Variants in CC2D2A observed in about 807,000 individuals in gnomAD.
CC2D2A encodes coiled-coil and C2 domain containing 2A.
A neutral mutation model predicts 212.9 loss-of-function variants in CC2D2A; 155 were observed. The observed-to-expected ratio is 0.73, with a 90% CI of 0.64 to 0.83. The LOEUF (loss-of-function observed/expected upper bound fraction) is 0.83. Ranked by LOEUF, CC2D2A falls within the 40% of genes least tolerant of loss-of-function variation. The pLI is 0.00. For missense variants in CC2D2A, 1,856 were observed against 1,956.2 expected (o/e 0.95, Z 0.97); for synonymous variants, 667 against 686.5 (o/e 0.97, Z 0.44).
At chr4:15,497,946 A>G (rs917054363) in intron 4 of CC2D2A, among the ~76,000 whole-genome samples, 6 of 152,244 alleles carry the variant, frequency 3.9e-5, no homozygotes, top group Non-Finnish European at 8.8e-5. Flanking sequence ...TGGACATAAC[A>G]TGAGAGGAAC....
intron 18 of CC2D2A, among the ~76,000 whole-genome samples, chr4:15,552,480 G>A (rs1392827185): frequency 6.6e-6 from 1 of 152,012 alleles, no homozygotes; most frequent in Non-Finnish European, 1.5e-5. Context: ...ACTCTCCAAA[G>A]CACAAATTTT....
rs2109029936 is a variant in CC2D2A at position 15,533,339 on chromosome 4, C to A, written c.1607+6C>A. 2 of 1,523,846 alleles carry A rather than the reference C, an allele frequency of 1.3e-6. No individual in the cohort carries two copies. Among genetic ancestry groups the A allele is most frequent in the Non-Finnish European group, 1.8e-6 (2 of 1,136,878 alleles). The allele number at this position is 1,523,846 out of a possible 1,614,324, so 94.4% of individuals were successfully genotyped here. A position where few individuals can be genotyped will look rare whatever the true frequency, so the allele number is the denominator to read the frequency against. On this transcript the variant is annotated splice_donor_region_variant and intron_variant, in intron 14 of 36. Coordinates refer to ENST00000424120, the MANE Select transcript of CC2D2A (RefSeq NM_001378615.1). ...TTGAAACTTGTTTTGAGAAAGTAGG[C>A]TTTTTTGAAAAATTATTTTATTGGG...
chr4:15,558,334 G>A (rs1056730512), intron 21 of CC2D2A, among the ~76,000 whole-genome samples: 1 of 152,116 alleles, frequency 6.6e-6, no homozygotes, highest in Non-Finnish European at 1.5e-5. Flanking sequence ...TTGATCACAG[G>A]AGATAAAAGC....
At chr4:15,549,355 AC>A (rs1178095311) in intron 17 of CC2D2A, among the ~76,000 whole-genome samples, 6 of 152,186 alleles carry the variant, frequency 3.9e-5, no homozygotes, top group African/African-American at 1.4e-4. Context: ...AGAATAGCTC[AC>A]AGCAAAATTA....
intron 6 of CC2D2A, among the ~76,000 whole-genome samples, chr4:15,504,702 G>C (rs1389573142): frequency 6.6e-6 from 1 of 152,056 alleles, no homozygotes; most frequent in Non-Finnish European, 1.5e-5. Context: ...ATCAGGACTT[G>C]GCTTATATGT....
At chr4:15,494,241 C>T (rs1468325436) in intron 4 of CC2D2A, among the ~76,000 whole-genome samples, 2 of 152,238 alleles carry the variant, frequency 1.3e-5, no homozygotes, top group African/African-American at 2.4e-5. Flanking sequence ...CCTGCGCCAT[C>T]TGCTGAAGTA....
chr4:15,576,844 T>G (rs1281246910), intron 29 of CC2D2A, among the ~76,000 whole-genome samples: 2 of 152,242 alleles, frequency 1.3e-5, no homozygotes, highest in African/African-American at 4.8e-5. Context: ...GCTTTGAATC[T>G]AAGAAGTCAT....
chr4:15,479,548 C>G (rs1000428551), intron 3 of CC2D2A, among the ~76,000 whole-genome samples: 2 of 152,106 alleles, frequency 1.3e-5, no homozygotes, highest in Non-Finnish European at 2.9e-5. Context: ...CTAGCTCCCC[C>G]CTTGCTCAGC....
intron 6 of CC2D2A, among the ~76,000 whole-genome samples, chr4:15,504,273 T>A (rs1282585460): frequency 6.6e-6 from 1 of 152,224 alleles, no homozygotes; most frequent in Non-Finnish European, 1.5e-5. Flanking sequence ...GTGAAATGGC[T>A]TTATGACTAT....
At chr4:15,570,193 T>C (rs1720092994) in intron 27 of CC2D2A, among the ~76,000 whole-genome samples, 2 of 152,244 alleles carry the variant, frequency 1.3e-5, no homozygotes, top group Non-Finnish European at 2.9e-5. Flanking sequence ...CTCTAGTTTA[T>C]TGATGAGAAA....
At chr4:15,534,644 C>T (rs1718026127) in intron 14 of CC2D2A, among the ~76,000 whole-genome samples, 1 of 152,080 alleles carries the variant, frequency 6.6e-6, no homozygotes, top group South Asian at 2.1e-4. Flanking sequence ...CATATACTGA[C>T]ACAAATAGTA....
intron 11 of CC2D2A, among the ~76,000 whole-genome samples, chr4:15,522,071 C>G (rs553249984): frequency 6.6e-6 from 1 of 152,282 alleles, no homozygotes; most frequent in East Asian, 1.9e-4. Flanking sequence ...CATGGTGGCA[C>G]ATGCCTGTGG....
intron 11 of CC2D2A, among the ~76,000 whole-genome samples, chr4:15,524,528 G>T (rs1243221568): frequency 2.1e-5 from 3 of 144,652 alleles, no homozygotes; most frequent in Non-Finnish European, 4.5e-5. Flanking sequence ...TTGGCTCACT[G>T]CAAGCTCCGC....
chr4:15,535,627 G>A (rs1335837198), intron 14 of CC2D2A, among the ~76,000 whole-genome samples: 2 of 152,072 alleles, frequency 1.3e-5, no homozygotes, highest in Non-Finnish European at 2.9e-5. Context: ...TTTTGAAGCC[G>A]AATTCCCCCT....
rs988668464 is a variant in CC2D2A, at chr4:15,502,322, A to G, written c.248-107A>G. 14 of 836,714 alleles carry G rather than the reference A, an allele frequency of 1.7e-5. No homozygotes were observed. In the African/African-American group the frequency reaches 2.4e-4, roughly 15 times the overall value. The allele number at this position is 836,714 out of a possible 1,614,324, so 51.8% of individuals were successfully genotyped here. ...ATTATGTTCTCTTATTTCTTTTTTA[A>G]TTTAACCTTCCCTTTTGGGGGGAGG... On this transcript the variant is annotated intron_variant, in intron 4 of 36. Transcript: ENST00000424120.
intron 4 of CC2D2A, 145 bp downstream of exon 4, chr4:15,480,972 A>T: frequency 1.1e-6 from 1 of 906,320 alleles, no homozygotes; most frequent in South Asian, 1.8e-5. Flanking sequence ...TTGGTGAGTG[A>T]CTCTAGGTTA....
chr4:15,483,680 T>C (rs758641294), intron 4 of CC2D2A, among the ~76,000 whole-genome samples: 1 of 152,230 alleles, frequency 6.6e-6, no homozygotes, highest in African/African-American at 2.4e-5. Context: ...CACTCTCTTA[T>C]TTATTCCGGG....
At chr4:15,481,847 G>A (rs1222422024) in intron 4 of CC2D2A, 2 of 985,362 alleles carry the variant, frequency 2.0e-6, no homozygotes, top group Non-Finnish European at 2.4e-6. Flanking sequence ...GAAGACATAT[G>A]TGTTAACCTA....
At chr4:15,514,349 G>A in intron 8 of CC2D2A, among the ~76,000 whole-genome samples, 1 of 152,182 alleles carries the variant, frequency 6.6e-6, no homozygotes, top group East Asian at 1.9e-4. Flanking sequence ...CCAGGTGGAA[G>A]GTTAAACTGC....
Sources: allele counts gnomAD v4.1 joint callset (sites outside exome capture counted in the v4.1 genomes callset), GRCh38; gene constraint gnomAD v4.1.1; transcripts MANE v1.5; gene names NCBI Gene and HGNC (gene_info 2026-07-23, HGNC 2026-07-21).